Variants in MBD5 observed in about 807,000 individuals in gnomAD.
MBD5 encodes the protein methyl-CpG-binding domain protein 5.
A neutral mutation model predicts 117.3 loss-of-function variants in MBD5; 13 were observed. The observed-to-expected ratio is 0.11, with a 90% CI of 0.07 to 0.18. The LOEUF (loss-of-function observed/expected upper bound fraction) is 0.18. Ranked by LOEUF, MBD5 falls within the 10% of genes least tolerant of loss-of-function variation. The pLI, the probability that MBD5 is intolerant of heterozygous loss-of-function variation, is 1.00. For synonymous variants in MBD5, 727 were observed against 766.4 expected, an observed-to-expected ratio of 0.95 and a Z score of 0.85; for missense variants, 1,879 against 2,093.8, an observed-to-expected ratio of 0.90 and a Z score of 2.00.
Position 148,483,719 on chromosome 2 carries a change from A to C in MBD5, c.3128A>C (p.Asn1043Thr), listed in dbSNP as rs76237549. The change falls in exon 9 of 14, where the codon AAC becomes ACC. Residue 1043 changes from asparagine (N) to threonine (T), a missense_variant. Around this residue, in one of 4 missense-constraint regions of MBD5, gnomAD observed 1,666 missense variants for 1,792.2 expected, o/e 0.93. Transcript: ENST00000642680. ...PDHLPSNQSDNSRAETLLTSP... is the reference protein window; with the variant it reads ...PDHLPSNQSDTSRAETLLTSP... ...CATTTGCCAAGCAATCAGTCAGACA[A>C]CAGCCGAGCTGAGACCCTTTTAACC... 1 of 1,550,532 alleles carries C rather than the reference A, an allele frequency of 6.4e-7. No homozygotes were observed.
chr2:148,251,539 C>T (rs1421864214), intron 3 of MBD5, among the ~76,000 whole-genome samples: 1 of 152,206 alleles, frequency 6.6e-6, no homozygotes, highest in African/African-American at 2.4e-5. Flanking sequence ...ACTTGTACCT[C>T]ATAAGCCAAA....
chr2:148,097,961 A>C (rs751166502), intron 1 of MBD5, among the ~76,000 whole-genome samples: 2 of 152,232 alleles, frequency 1.3e-5, no homozygotes, highest in Non-Finnish European at 2.9e-5. Context: ...GGGGCACAGC[A>C]GGCAGGGGCA....
chr2:148,405,113 C>G (rs114668899), intron 4 of MBD5, among the ~76,000 whole-genome samples: 2,361 of 152,018 alleles, frequency 0.016, 63 homozygotes, highest in African/African-American at 0.054. Context: ...TCTTTCTATT[C>G]AATAAATATG....
chr2:148,100,654 C>G (rs750496405), intron 1 of MBD5, among the ~76,000 whole-genome samples: 3 of 152,154 alleles, frequency 2.0e-5, no homozygotes, highest in Non-Finnish European at 4.4e-5. Flanking sequence ...TCCAAAAGGG[C>G]CTGTGCCATA....
intron 3 of MBD5, among the ~76,000 whole-genome samples, chr2:148,270,873 T>G (rs797000707): frequency 6.6e-6 from 1 of 152,270 alleles, no homozygotes; most frequent in South Asian, 2.1e-4. Context: ...CTCCTTCTGA[T>G]TTCCTTCTTT....
chr2:148,471,995 T>G (rs1680812996), intron 8 of MBD5: 1 of 152,088 alleles, frequency 6.6e-6, no homozygotes, highest in Non-Finnish European at 1.5e-5. Context: ...GATGGGACAT[T>G]TTTAGTCTCA....
intron 1 of MBD5, among the ~76,000 whole-genome samples, chr2:148,175,076 T>C (rs1013660825): frequency 1.3e-5 from 2 of 152,276 alleles, no homozygotes; most frequent in Admixed American, 6.5e-5. Flanking sequence ...AAGTAGAGTA[T>C]GGTAAAATTC....
At chr2:148,375,075 A>T (rs1188364436) in intron 4 of MBD5, among the ~76,000 whole-genome samples, 1 of 152,182 alleles carries the variant, frequency 6.6e-6, no homozygotes. Flanking sequence ...ATATTTTAGC[A>T]TCTTCTCCAA....
chr2:148,449,156 A>G (rs768421198), intron 4 of MBD5, among the ~76,000 whole-genome samples: 25 of 152,158 alleles, frequency 1.6e-4, no homozygotes, highest in Non-Finnish European at 3.2e-4. Flanking sequence ...CAGAAAATAT[A>G]AAAAGTAAAT....
intron 1 of MBD5, among the ~76,000 whole-genome samples, chr2:148,148,781 C>A (rs1444943171): frequency 1.3e-5 from 2 of 152,036 alleles, no homozygotes; most frequent in Non-Finnish European, 2.9e-5. Flanking sequence ...CCTTGTGCAC[C>A]AGTTTAATGT....
At chr2:148,226,996 G>A (rs1008065213) in intron 2 of MBD5, among the ~76,000 whole-genome samples, 24 of 152,046 alleles carry the variant, frequency 1.6e-4, no homozygotes, top group African/African-American at 5.1e-4. Context: ...TGAGTTAATT[G>A]TAGATTCTGG....
intron 1 of MBD5, among the ~76,000 whole-genome samples, chr2:148,109,884 G>A (rs528584400): frequency 2.0e-5 from 3 of 152,050 alleles, no homozygotes; most frequent in African/African-American, 7.2e-5. Context: ...AAATTATTTT[G>A]TATCTATATT....
In MBD5 at chr2:148,431,695, T is replaced by G. The variant is rs115935332; in HGVS notation, c.-556-26508T>G. ...TAATGGCCTGCAGCTCCATCCATGTTTCTTCAAAGGACATGATCTTATTCT... is the reference window on the plus strand; with the variant it reads ...TAATGGCCTGCAGCTCCATCCATGTGTCTTCAAAGGACATGATCTTATTCT... On this transcript the variant is annotated intron_variant, in intron 4 of 13. Coordinates refer to ENST00000642680, the MANE Select transcript of MBD5 (RefSeq NM_001378120.1). 7.8e-3 allele frequency among the ~76,000 whole-genome samples: 1,188 copies of G among 152,246 alleles called. 8 individuals carry two copies. The highest frequency in any genetic ancestry group is 0.011 in the Non-Finnish European group (726 of 68,010).
intron 4 of MBD5, among the ~76,000 whole-genome samples, chr2:148,383,212 G>T (rs1272925900): frequency 2.0e-5 from 3 of 151,810 alleles, no homozygotes. Context: ...CCGCTAGCAA[G>T]ACTAATAAAG....
In MBD5 at chr2:148,172,333, C is replaced by A. The variant is rs779281708; in HGVS notation, c.-924-6367C>A. 8.7e-4 allele frequency among the ~76,000 whole-genome samples: 132 copies of A among 152,202 alleles called. 1 individual carries two copies. The highest frequency in any genetic ancestry group is 1.4e-3 in the Non-Finnish European group (94 of 68,038). On this transcript the variant is annotated intron_variant, in intron 1 of 13. Transcript: ENST00000642680. ...CCTCTCCTTGCTCCCGGTGCCTGCT[C>A]CCATTTCAGAGCAAGGTTGAAGGCG...
chr2:148,473,535 A>G (rs1680863862), intron 8 of MBD5, among the ~76,000 whole-genome samples: 2 of 152,132 alleles, frequency 1.3e-5, no homozygotes, highest in Non-Finnish European at 1.5e-5. Context: ...AAGTTCAAAA[A>G]TATTACATTA....
At chr2:148,208,104 T>G (rs1487310003) in intron 2 of MBD5, among the ~76,000 whole-genome samples, 1 of 152,212 alleles carries the variant, frequency 6.6e-6, no homozygotes, top group Non-Finnish European at 1.5e-5. Flanking sequence ...CAGCTTCTGC[T>G]GGATGCTGCT....
At chr2:148,456,676 A>C (rs1023609322) in intron 4 of MBD5, among the ~76,000 whole-genome samples, 2 of 152,018 alleles carry the variant, frequency 1.3e-5, no homozygotes, top group Non-Finnish European at 2.9e-5. Context: ...AGTGGTGCAA[A>C]TTTCCAGCTT....
At chr2:148,505,037 G>T (rs181690425) in intron 12 of MBD5, among the ~76,000 whole-genome samples, 55 of 152,324 alleles carry the variant, frequency 3.6e-4, no homozygotes, top group Non-Finnish European at 4.9e-4. Context: ...ATACAAGGGA[G>T]AACGAGGACC....
Sources: allele counts gnomAD v4.1 joint callset (sites outside exome capture counted in the v4.1 genomes callset), GRCh38; gene constraint gnomAD v4.1.1; regional missense constraint gnomAD v4.1.1; transcripts MANE v1.5; gene names NCBI Gene and HGNC (gene_info 2026-07-23, HGNC 2026-07-21).